DYNC2I1: variants seen among roughly 807,000 people sequenced by gnomAD.
The protein encoded by DYNC2I1 is dynein 2 intermediate chain 1.
In DYNC2I1, 89 loss-of-function variants were observed where a neutral mutation model predicts 133.4. That is an observed-to-expected ratio of 0.67 (90% CI 0.56 to 0.80). The LOEUF is 0.80. DYNC2I1 is among the 30% of genes least tolerant of loss of function. The probability of loss-of-function intolerance (pLI) is 0.00; values close to 1 mark genes in which losing one functional copy is unlikely to be tolerated. For missense variants in DYNC2I1, 1,291 were observed against 1,314.5 expected (o/e 0.98, Z 0.28); for synonymous variants, 504 against 484.3 (o/e 1.04, Z -0.54).
chr7:158,884,112 T>G (rs1844354867), intron 5 of DYNC2I1, among the ~76,000 whole-genome samples: 1 of 150,016 alleles, frequency 6.7e-6, no homozygotes, highest in Admixed American at 6.7e-5. Context: ...TGGCGCAATC[T>G]CTGCTCATTG....
intron 14 of DYNC2I1, among the ~76,000 whole-genome samples, chr7:158,918,034 T>C (rs1186357850): frequency 6.6e-6 from 1 of 152,068 alleles, no homozygotes; most frequent in Non-Finnish European, 1.5e-5. Context: ...CACAGTCAGC[T>C]CTCACTCAAC....
At chr7:158,927,072 A>G in intron 20 of DYNC2I1, 29 bp downstream of exon 20, 2 of 1,502,408 alleles carry the variant, frequency 1.3e-6, no homozygotes, top group Non-Finnish European at 1.8e-6. Flanking sequence ...AATTAATTTT[A>G]GTGTTTTCTA....
At chr7:158,921,868 C>A (rs921835608) in intron 15 of DYNC2I1, among the ~76,000 whole-genome samples, 1 of 152,222 alleles carries the variant, frequency 6.6e-6, no homozygotes, top group African/African-American at 2.4e-5. Context: ...GAGCTGCCGG[C>A]ACGGCCAGCA....
chr7:158,943,358 C>T (rs557464549), intron 24 of DYNC2I1, among the ~76,000 whole-genome samples: 1 of 152,318 alleles, frequency 6.6e-6, no homozygotes, highest in South Asian at 2.1e-4. Flanking sequence ...GGGCTCCACA[C>T]CCTGAGATCT....
downstream of DYNC2I1, chr7:158,946,231 T>A (rs1851866718): frequency 6.5e-6 from 1 of 153,036 alleles, no homozygotes; most frequent in Admixed American, 6.5e-5. Flanking sequence ...CTTGAGCACC[T>A]TCTTTTGGGA....
intron 21 of DYNC2I1, among the ~76,000 whole-genome samples, chr7:158,932,876 T>C (rs1428827852): frequency 6.6e-6 from 1 of 152,108 alleles, no homozygotes; most frequent in Admixed American, 6.5e-5. Context: ...GGAGCCTAGG[T>C]TGGCCTCTGC....
downstream of DYNC2I1, among the ~76,000 whole-genome samples, chr7:158,958,497 T>C (rs1266861616): frequency 3.3e-5 from 5 of 152,222 alleles, no homozygotes; most frequent in Admixed American, 6.5e-5. Flanking sequence ...TCTCCCCGTT[T>C]TTGTCTCTTG....
At chr7:158,949,360 T>G (rs903869578), downstream of DYNC2I1, among the ~76,000 whole-genome samples, 1 of 152,252 alleles carries the variant, frequency 6.6e-6, no homozygotes, top group Non-Finnish European at 1.5e-5. Context: ...CTGCTTTAGC[T>G]GAGCTGATCT....
At chr7:158,883,764 C>T (rs1465131042) in intron 5 of DYNC2I1, among the ~76,000 whole-genome samples, 9 of 145,370 alleles carry the variant, frequency 6.2e-5, no homozygotes, top group African/African-American at 2.0e-4. Context: ...CCCGGGTTCA[C>T]GCCATTCTCC....
intron 20 of DYNC2I1, among the ~76,000 whole-genome samples, chr7:158,928,817 C>T (rs925601545): frequency 2.1e-4 from 32 of 152,162 alleles, no homozygotes; most frequent in East Asian, 3.9e-4. Flanking sequence ...CCCAGGATTC[C>T]GCCCCAAATG....
chr7:158,940,739 CAATTAAGA>C (rs1851258353), intron 23 of DYNC2I1, among the ~76,000 whole-genome samples: 1 of 151,830 alleles, frequency 6.6e-6, no homozygotes, highest in Non-Finnish European at 1.5e-5. Context: ...TCCAGTGGGT[CAATTAAGA>C]AATTAAGAAG....
At chr7:158,856,240 T>C (rs985776304), upstream of DYNC2I1, among the ~76,000 whole-genome samples, 1 of 151,994 alleles carries the variant, frequency 6.6e-6, no homozygotes, top group African/African-American at 2.4e-5. Context: ...GCCACCGCGC[T>C]CGGCCTCAAA....
chr7:158,893,779 G>A (rs13310240), intron 8 of DYNC2I1, among the ~76,000 whole-genome samples: 2 of 146,992 alleles, frequency 1.4e-5, no homozygotes, highest in East Asian at 2.0e-4. Flanking sequence ...ACTGCATATC[G>A]TACCACATAT....
intron 13 of DYNC2I1, 50 bp from the exon 14 acceptor site, chr7:158,914,183 G>T: frequency 2.0e-6 from 3 of 1,482,008 alleles, no homozygotes; most frequent in South Asian, 1.2e-5. Context: ...TGTAATGCAT[G>T]ATTATTTTAG....
In DYNC2I1 at chr7:158,887,035, T is replaced by C. The variant is rs756610695; in HGVS notation, c.950T>C (p.Leu317Ser). Residue 317 changes from leucine to serine, a missense_variant, in exon 7 of 25, where the codon TTA becomes TCA. By Grantham distance (145) the Leu-to-Ser change is moderately radical. Coordinates refer to ENST00000407559, the MANE Select transcript of DYNC2I1 (RefSeq NM_018051.5). ...DGTSSQHAEN[L>S]VRNHGKDKDS... ...TTGCTTTCCAGGCATGCTGAGAATT[T>C]AGTAAGGAATCATGGAAAAGATAAA... 1.9e-6 allele frequency: 3 copies of C among 1,613,974 alleles called. No individual in the cohort carries two copies. Among genetic ancestry groups the C allele is most frequent in the South Asian group, 1.1e-5 (1 of 91,070 alleles).
intron 4 of DYNC2I1, among the ~76,000 whole-genome samples, chr7:158,954,302 T>A (rs187795061): frequency 1.3e-5 from 2 of 152,354 alleles, no homozygotes. Context: ...GCACCTATCA[T>A]GCATCAGATA....
intron 21 of DYNC2I1, among the ~76,000 whole-genome samples, chr7:158,930,919 C>T (rs1188933896): frequency 1.3e-5 from 2 of 152,146 alleles, no homozygotes; most frequent in Admixed American, 6.5e-5. Context: ...CCACCCACCT[C>T]AGCCTCCCAA....
chr7:158,866,569 C>T (rs1463460411), intron 1 of DYNC2I1, among the ~76,000 whole-genome samples: 1 of 152,042 alleles, frequency 6.6e-6, no homozygotes, highest in Non-Finnish European at 1.5e-5. Context: ...CTATATTAAA[C>T]CTCTCTGTAG....
downstream of DYNC2I1, among the ~76,000 whole-genome samples, chr7:158,950,508 G>C (rs5018042): frequency 5.6e-4 from 5 of 8,906 alleles, no homozygotes; most frequent in Non-Finnish European, 6.4e-4. Flanking sequence ...TATACTGCAC[G>C]GGGACCAGCC....
Sources: allele counts gnomAD v4.1 joint callset (sites outside exome capture counted in the v4.1 genomes callset), GRCh38; gene constraint gnomAD v4.1.1; transcripts MANE v1.5; gene names NCBI Gene and HGNC (gene_info 2026-07-23, HGNC 2026-07-21).